PRKCB: variants seen among roughly 807,000 people sequenced by gnomAD.
PRKCB encodes the protein protein kinase C beta, also known as protein kinase C beta type.
Under a neutral mutation model 81.5 loss-of-function variants are expected in PRKCB, and 13 were observed. The observed-to-expected ratio is 0.16, with a 90% confidence interval of 0.10 to 0.25. PRKCB has a LOEUF of 0.25. Among genes scored for constraint, PRKCB ranks in the 10% least tolerant of loss-of-function variants. The pLI is 1.00. For missense variants in PRKCB, 509 were observed against 875.7 expected (o/e 0.58, Z 5.29); for synonymous variants, 335 against 321.4 (o/e 1.04, Z -0.45).
At chr16:23,859,770 C>G (rs926711515) in intron 2 of PRKCB, among the ~76,000 whole-genome samples, 1 of 151,734 alleles carries the variant, frequency 6.6e-6, no homozygotes, top group South Asian at 2.1e-4. Flanking sequence ...TTGGAGGAGG[C>G]AGAGAAAAGG....
rs553651292 is a variant in PRKCB at position 24,088,285 on chromosome 16, C to G, written c.530-4506C>G. On this transcript the variant is annotated intron_variant, in intron 5 of 16. Coordinates refer to ENST00000643927, the MANE Select transcript of PRKCB (RefSeq NM_002738.7). ...GCCAGCAGTCTCAGGATGCATTCCACAGCATTCCGTTGCACAGAAAGTTTT... is the reference window on the plus strand; with the variant it reads ...GCCAGCAGTCTCAGGATGCATTCCAGAGCATTCCGTTGCACAGAAAGTTTT... 5.3e-5 allele frequency among the ~76,000 whole-genome samples: 8 copies of G among 152,252 alleles called. No individual in the cohort carries two copies. The East Asian group carries it at 1.5e-3, about 29-fold the overall frequency.
At chr16:24,029,737 A>C (rs1965527502) in intron 3 of PRKCB, among the ~76,000 whole-genome samples, 1 of 152,322 alleles carries the variant, frequency 6.6e-6, no homozygotes, top group East Asian at 1.9e-4. Flanking sequence ...CTGTCACTAG[A>C]GTACAATTTT....
intron 2 of PRKCB, among the ~76,000 whole-genome samples, chr16:23,985,374 G>A (rs1964791275): frequency 6.6e-6 from 1 of 152,146 alleles, no homozygotes; most frequent in South Asian, 2.1e-4. Context: ...TAGGATTACA[G>A]GCATGAACCA....
intron 3 of PRKCB, among the ~76,000 whole-genome samples, chr16:24,016,573 A>G (rs1965280993): frequency 1.3e-5 from 2 of 152,202 alleles, no homozygotes; most frequent in African/African-American, 4.8e-5. Context: ...TCTGTATTTT[A>G]GCAACAACCA....
At position 23,996,825 on chromosome 16, in the gene PRKCB, T is replaced by C. The variant is rs560060688; in HGVS notation, c.288+8235T>C. On this transcript the variant is annotated intron_variant, in intron 3 of 16. Coordinates refer to ENST00000643927, the MANE Select transcript of PRKCB (RefSeq NM_002738.7). Reference sequence around the variant, plus strand: ...GTGGAATGGCCTTTTGAAGAGTCAGTTATGTTGCCAGCTAGGTAGCAATAC... The same window carrying C: ...GTGGAATGGCCTTTTGAAGAGTCAGCTATGTTGCCAGCTAGGTAGCAATAC... Among the ~76,000 whole-genome samples, 21 of 152,244 alleles carry C rather than the reference T, an allele frequency of 1.4e-4. No homozygotes were observed. The South Asian group carries it at 3.5e-3, about 26-fold the overall frequency.
chr16:24,206,772 A>G (rs1274004923), intron 16 of PRKCB, among the ~76,000 whole-genome samples: 3 of 152,160 alleles, frequency 2.0e-5, no homozygotes, highest in Non-Finnish European at 4.4e-5. Flanking sequence ...CCTCTGCTAG[A>G]TCTTAAGCTC....
intron 2 of PRKCB, chr16:23,893,787 C>T (rs905112909): frequency 3.3e-5 from 5 of 152,142 alleles, no homozygotes; most frequent in South Asian, 2.1e-4. Context: ...TTCTATTGAA[C>T]GGATGTACTA....
At chr16:24,162,446 T>A (rs1352970152) in intron 10 of PRKCB, among the ~76,000 whole-genome samples, 1 of 138,436 alleles carries the variant, frequency 7.2e-6, no homozygotes, top group Non-Finnish European at 1.5e-5. Flanking sequence ...AGAAGACTTT[T>A]TTTTTTTTTT....
chr16:24,204,737 T>C (rs1968017783), intron 16 of PRKCB, among the ~76,000 whole-genome samples: 1 of 152,226 alleles, frequency 6.6e-6, no homozygotes, highest in Non-Finnish European at 1.5e-5. Context: ...CATTCATCTA[T>C]TCATCCAGCC....
chr16:23,902,390 T>C (rs1963487420), intron 2 of PRKCB, among the ~76,000 whole-genome samples: 1 of 152,220 alleles, frequency 6.6e-6, no homozygotes, highest in Non-Finnish European at 1.5e-5. Flanking sequence ...TAACATCTTA[T>C]GCAACTGTGA....
rs1968206559 is a variant in PRKCB, at chr16:24,215,170, GTGGATAAT to G, written c.*360_*367del. 5.8e-6 allele frequency: 6 copies of G among 1,039,456 alleles called. No individual in the cohort carries two copies. In the African/African-American group the frequency reaches 6.7e-5, roughly 12 times the overall value. 64.4% of individuals were successfully genotyped at this position (1,039,456 alleles called of 1,614,324 possible). On this transcript the variant is annotated 3_prime_UTR_variant, in exon 17 of 17. Transcript: ENST00000643927. ...ATATTCACCCCCAACCATCCAATCTGTGGATAATTGGATGTTAGCGGTACTCTTCCACT... is the reference window on the plus strand; with the variant it reads ...ATATTCACCCCCAACCATCCAATCTGTGGATGTTAGCGGTACTCTTCCACT...
At chr16:24,049,369 G>C (rs1965812405) in intron 5 of PRKCB, among the ~76,000 whole-genome samples, 1 of 143,618 alleles carries the variant, frequency 7.0e-6, no homozygotes, top group Non-Finnish European at 1.5e-5. Flanking sequence ...CACTACCCTG[G>C]CACACCCGGG....
intron 9 of PRKCB, among the ~76,000 whole-genome samples, chr16:24,149,624 G>A (rs959084856): frequency 2.0e-5 from 3 of 152,190 alleles, no homozygotes. Context: ...ACAGCCCAGA[G>A]CTCCTGAAGG....
intron 8 of PRKCB, among the ~76,000 whole-genome samples, chr16:24,121,992 T>C (rs561575853): frequency 6.6e-6 from 1 of 152,338 alleles, no homozygotes; most frequent in South Asian, 2.1e-4. Flanking sequence ...GACAAAATCC[T>C]TGCCATTGGG....
At chr16:23,855,916 C>T (rs1055768838) in intron 2 of PRKCB, among the ~76,000 whole-genome samples, 4 of 152,166 alleles carry the variant, frequency 2.6e-5, no homozygotes, top group Non-Finnish European at 5.9e-5. Flanking sequence ...TTGGTTTTCC[C>T]AGCAGCTGGG....
At chr16:24,176,442 G>A (rs1338670153) in intron 12 of PRKCB, among the ~76,000 whole-genome samples, 1 of 152,166 alleles carries the variant, frequency 6.6e-6, no homozygotes, top group Non-Finnish European at 1.5e-5. Flanking sequence ...ATTTTAAATA[G>A]TATGATCATT....
At chr16:24,107,292 C>T (rs1966591256) in intron 7 of PRKCB, among the ~76,000 whole-genome samples, 1 of 152,194 alleles carries the variant, frequency 6.6e-6, no homozygotes, top group South Asian at 2.1e-4. Context: ...TACTTTGATT[C>T]TGCATTGTTT....
At chr16:24,174,664 A>G (rs1310078261) in intron 12 of PRKCB, 84 bp downstream of exon 12, 1 of 1,304,428 alleles carries the variant, frequency 7.7e-7, no homozygotes, top group African/African-American at 1.5e-5. Context: ...TGCTTTTAAA[A>G]TTAGAATCCG....
In PRKCB at chr16:24,109,681, T is replaced by C. The variant is rs1328749851; in HGVS notation, c.822-3292T>C. Reference sequence around the variant, plus strand: ...CAGATGATGGGTGGCCAGGCAGAGATGCTCCTCACTTCCCAGACGGGGTGG... The same window carrying C: ...CAGATGATGGGTGGCCAGGCAGAGACGCTCCTCACTTCCCAGACGGGGTGG... On this transcript the variant is annotated intron_variant, in intron 7 of 16. Coordinates refer to ENST00000643927, the MANE Select transcript of PRKCB (RefSeq NM_002738.7). 6.1e-5 allele frequency among the ~76,000 whole-genome samples: 8 copies of C among 132,214 alleles called. 1 individual carries two copies. The highest frequency in any genetic ancestry group is 4.1e-4 in the East Asian group (2 of 4,896). 86.7% of individuals were successfully genotyped at this position (132,214 alleles called of 152,430 possible). A position where few individuals can be genotyped will look rare whatever the true frequency, so the allele number is the denominator to read the frequency against.
Sources: gnomAD v4.1 joint callset for allele counts (sites outside exome capture counted in the v4.1 genomes callset) on GRCh38, gnomAD v4.1.1 for gene constraint, MANE v1.5 for transcripts, NCBI Gene and HGNC (gene_info 2026-07-23, HGNC 2026-07-21) for gene names.